NAP1L1: variants seen among roughly 807,000 people sequenced by gnomAD.
The protein encoded by NAP1L1 is nucleosome assembly protein 1 like 1.
A neutral mutation model predicts 58.9 loss-of-function variants in NAP1L1; 9 were observed. The observed-to-expected ratio is 0.15, with a 90% CI of 0.09 to 0.27. The LOEUF (loss-of-function observed/expected upper bound fraction) is 0.27, where lower values mean the gene tolerates loss of function less well. NAP1L1 is among the 10% of genes least tolerant of loss of function. The pLI, the probability that NAP1L1 is intolerant of heterozygous loss-of-function variation, is 1.00. For missense variants in NAP1L1, 302 were observed against 458.8 expected (o/e 0.66, Z 3.12); for synonymous variants, 130 against 138.3 (o/e 0.94, Z 0.42).
intron 1 of NAP1L1, among the ~76,000 whole-genome samples, chr12:76,079,623 C>T (rs779133442): frequency 6.6e-6 from 1 of 151,016 alleles, no homozygotes; most frequent in Admixed American, 6.6e-5. Context: ...AAGGTTCATA[C>T]ATATATGGTG....
chr12:76,049,062 G>A (rs1210467135), intron 14 of NAP1L1, 138 bp downstream of exon 14: 7 of 772,210 alleles, frequency 9.1e-6, no homozygotes, highest in African/African-American at 3.5e-5. Context: ...ATGCCAGTGG[G>A]ACTGAAAAAA....
chr12:76,071,904 C>A (rs1160984169), intron 2 of NAP1L1, among the ~76,000 whole-genome samples: 5 of 150,898 alleles, frequency 3.3e-5, no homozygotes, highest in Non-Finnish European at 1.5e-5. Context: ...TTTAAAGGAA[C>A]ACCAGAAGCC....
chr12:76,072,300 TAA>T (rs566199999), intron 2 of NAP1L1, among the ~76,000 whole-genome samples: 1,370 of 120,932 alleles, frequency 0.011, 20 homozygotes, highest in African/African-American at 0.038. Flanking sequence ...GGATGCTATT[TAA>T]AAAAAAAAAA....
intron 1 of NAP1L1, among the ~76,000 whole-genome samples, chr12:76,080,964 T>C (rs1345701601): frequency 6.6e-6 from 1 of 152,166 alleles, no homozygotes; most frequent in Non-Finnish European, 1.5e-5. Flanking sequence ...CCCCTCCCCA[T>C]GTGATACCCT....
intron 1 of NAP1L1, among the ~76,000 whole-genome samples, chr12:76,081,687 G>C (rs940745681): frequency 6.6e-6 from 1 of 152,126 alleles, no homozygotes; most frequent in Non-Finnish European, 1.5e-5. Flanking sequence ...GTAACCAAAG[G>C]TATAGAAGCC....
chr12:76,042,095 G>C lies in NAP1L1; in HGVS notation c.*6334C>G, dbSNP rs766386966. ...TTACACATAAAATCTTCAAAACGAG[G>C]CATATGTTTAATTTTATTATCCAGT... On this transcript the variant is annotated 3_prime_UTR_variant, in exon 15 of 15. Transcript: ENST00000618691. 1 of 151,940 alleles carries C rather than the reference G, an allele frequency of 6.6e-6. No homozygotes were observed. The highest frequency in any genetic ancestry group is 6.6e-5 in the Admixed American group (1 of 15,250). The allele number at this position is 151,940 out of a possible 1,614,324, so 9.4% of individuals were successfully genotyped here. A position where few individuals can be genotyped will look rare whatever the true frequency, so the allele number is the denominator to read the frequency against.
intron 1 of NAP1L1, among the ~76,000 whole-genome samples, chr12:76,076,549 AATATATATATATATAT>A (rs58649228): frequency 0.052 from 6,218 of 120,544 alleles, 383 homozygotes; most frequent in African/African-American, 0.11. Flanking sequence ...TGGATATGGA[AATATATATATATATAT>A]ATATATATAT....
At chr12:76,083,338 T>C (rs1950479091) in intron 1 of NAP1L1, among the ~76,000 whole-genome samples, 1 of 152,086 alleles carries the variant, frequency 6.6e-6, no homozygotes, top group Admixed American at 6.5e-5. Flanking sequence ...ATTAAAGTCA[T>C]AAAGGGCCAA....
At chr12:76,064,262 T>C (rs1021280160) in intron 4 of NAP1L1, among the ~76,000 whole-genome samples, 4 of 151,990 alleles carry the variant, frequency 2.6e-5, no homozygotes, top group Non-Finnish European at 4.4e-5. Flanking sequence ...GAACAAGAAA[T>C]GTTCATCACA....
rs545635823 is a variant in NAP1L1, at chr12:76,039,921, C to T, written c.*8508G>A. 6.6e-6 allele frequency: 1 copy of T among 152,276 alleles called. No homozygotes were observed. The highest frequency in any genetic ancestry group is 2.1e-4 in the South Asian group (1 of 4,828). 9.4% of individuals were successfully genotyped at this position (152,276 alleles called of 1,614,324 possible). ...CATGGAATAGCAATGAAGTTTTTCT[C>T]GAAACCTCTCAGTCTAGTTACATTA... On this transcript the variant is annotated 3_prime_UTR_variant, in exon 15 of 15. Coordinates refer to ENST00000618691, the MANE Select transcript of NAP1L1 (RefSeq NM_004537.7).
intron 6 of NAP1L1, 143 bp from the exon 7 acceptor site, chr12:76,056,304 A>C: frequency 1.3e-6 from 1 of 779,798 alleles, no homozygotes; most frequent in Non-Finnish European, 2.0e-6. Context: ...GCCGTTGCCC[A>C]TAACAAACCT....
intron 1 of NAP1L1, among the ~76,000 whole-genome samples, chr12:76,078,101 C>G (rs1258247142): frequency 6.6e-6 from 1 of 151,458 alleles, no homozygotes; most frequent in Non-Finnish European, 1.5e-5. Context: ...ATCACCAGCC[C>G]AAAACTGAGG....
At chr12:76,059,177 A>C (rs1295360707) in intron 6 of NAP1L1, among the ~76,000 whole-genome samples, 1 of 152,236 alleles carries the variant, frequency 6.6e-6, no homozygotes, top group Non-Finnish European at 1.5e-5. Context: ...GTGATGGTGC[A>C]CTGTGTGGTA....
rs752975757 is a variant in NAP1L1 at position 76,048,388 on chromosome 12, A to G, written c.*41T>C. 2 of 1,608,472 alleles carry G rather than the reference A, an allele frequency of 1.2e-6. No individual in the cohort carries two copies. The highest frequency in any genetic ancestry group is 2.0e-4 in the Middle Eastern group (1 of 5,126). ...AGTAAATAAGAGTTGTGTTTAGGCT[A>G]TTACAGTGCAGGTTATCCTCAAGGC... On this transcript the variant is annotated 3_prime_UTR_variant, in exon 15 of 15. Coordinates refer to ENST00000618691, the MANE Select transcript of NAP1L1 (RefSeq NM_004537.7).
rs1323823662 is a variant in NAP1L1 at position 76,048,343 on chromosome 12, T to G, written c.*86A>C. ...AAAATTACCTAGTCTACCAAGAAAA[T>G]ACAAAAACATAAGGCTGTAAGTAAA... On this transcript the variant is annotated 3_prime_UTR_variant, in exon 15 of 15. Transcript: ENST00000618691. The G allele has an allele frequency of 6.7e-7, 1 of 1,485,914 alleles. No homozygotes were observed. The highest frequency in any genetic ancestry group is 9.2e-7 in the Non-Finnish European group (1 of 1,086,638). 92.0% of individuals were successfully genotyped at this position (1,485,914 alleles called of 1,614,324 possible).
In NAP1L1 at chr12:76,068,772, ACACACACT is replaced by A. The variant is rs1165420909; in HGVS notation, c.103+129_103+136del. 1.4e-5 allele frequency: 9 copies of A among 638,938 alleles called. No individual in the cohort carries two copies. The African/African-American group carries it at 1.7e-4, about 12-fold the overall frequency. 39.6% of individuals were successfully genotyped at this position (638,938 alleles called of 1,614,324 possible). A position where few individuals can be genotyped will look rare whatever the true frequency, so the allele number is the denominator to read the frequency against. The stretch of plus-strand genomic sequence containing the variant: ...CACACACACACACACACACACACAC[ACACACACT>A]AGAAGTATGGACCAGTAGATAAATG... On this transcript the variant is annotated intron_variant, in intron 3 of 14. Coordinates refer to ENST00000618691, the MANE Select transcript of NAP1L1 (RefSeq NM_004537.7).
At chr12:76,056,640 T>C (rs1173303604) in intron 6 of NAP1L1, 1 of 455,372 alleles carries the variant, frequency 2.2e-6, no homozygotes, top group African/African-American at 2.0e-5. Context: ...GAAGCCTCCA[T>C]GTCTTCACTT....
rs2136938434 is a variant in NAP1L1 at position 76,045,202 on chromosome 12, T to G, written c.*3227A>C. 1 of 152,222 alleles carries G rather than the reference T, an allele frequency of 6.6e-6. No homozygotes were observed. The highest frequency in any genetic ancestry group is 2.1e-4 in the South Asian group (1 of 4,832). The allele number at this position is 152,222 out of a possible 1,614,324, so 9.4% of individuals were successfully genotyped here. A position where few individuals can be genotyped will look rare whatever the true frequency, so the allele number is the denominator to read the frequency against. ...AACTTACACTCTTCTGCACTACCAA[T>G]CTATTCTGTACATTTAAAATAACAT... On this transcript the variant is annotated 3_prime_UTR_variant, in exon 15 of 15. Coordinates refer to ENST00000618691, the MANE Select transcript of NAP1L1 (RefSeq NM_004537.7).
chr12:76,071,059 T>C (rs1949931237), intron 2 of NAP1L1, among the ~76,000 whole-genome samples: 1 of 152,182 alleles, frequency 6.6e-6, no homozygotes, highest in Admixed American at 6.5e-5. Flanking sequence ...TTTGTATTTA[T>C]TATTGTGCTG....
Sources: gnomAD v4.1 joint callset for allele counts (sites outside exome capture counted in the v4.1 genomes callset) on GRCh38, gnomAD v4.1.1 for gene constraint, MANE v1.5 for transcripts, NCBI Gene and HGNC (gene_info 2026-07-23, HGNC 2026-07-21) for gene names.